Variants in GSE1 observed in about 807,000 individuals in gnomAD.
GSE1 encodes the protein genetic suppressor element 1.
A neutral mutation model predicts 112.6 loss-of-function variants in GSE1; 32 were observed. The observed-to-expected ratio is 0.28, with a 90% CI of 0.21 to 0.38. The LOEUF is 0.38. Ranked by LOEUF, GSE1 falls within the 10% of genes least tolerant of loss-of-function variation. The probability of loss-of-function intolerance (pLI) is 1.00; values close to 1 mark genes in which losing one functional copy is unlikely to be tolerated. For synonymous variants in GSE1, 1,115 were observed against 735.6 expected (o/e 1.52, Z -8.35); for missense variants, 2,348 against 1,699.2 (o/e 1.38, Z -6.71).
intron 2 of GSE1, among the ~76,000 whole-genome samples, chr16:85,453,454 G>C (rs2049741202): frequency 6.6e-6 from 1 of 152,172 alleles, no homozygotes; most frequent in African/African-American, 2.4e-5. Flanking sequence ...TTGGGGTATG[G>C]GGCTGCTTGT....
At position 85,624,930 on chromosome 16, in the gene GSE1, C is replaced by T. The variant is rs919253924; in HGVS notation, c.8-8984C>T. On this transcript the variant is annotated intron_variant, in intron 1 of 15. Transcript: ENST00000253458. ...GGCCCCAGCGGCCTGTGTCACTTTGCTGTTCGCAGCTTTGCTTTCTGGGGT... is the reference window on the plus strand; with the variant it reads ...GGCCCCAGCGGCCTGTGTCACTTTGTTGTTCGCAGCTTTGCTTTCTGGGGT... 5.9e-5 allele frequency among the ~76,000 whole-genome samples: 9 copies of T among 152,222 alleles called. No homozygotes were observed. The East Asian group carries it at 9.6e-4, about 16-fold the overall frequency.
At chr16:85,337,072 T>A (rs964403645) in intron 1 of GSE1, among the ~76,000 whole-genome samples, 9 of 152,208 alleles carry the variant, frequency 5.9e-5, no homozygotes, top group Admixed American at 5.2e-4. Context: ...ACCCTGGGTC[T>A]GCCCCCAGCA....
intron 1 of GSE1, among the ~76,000 whole-genome samples, chr16:85,600,291 G>A (rs2047405906): frequency 1.3e-5 from 2 of 152,196 alleles, no homozygotes; most frequent in South Asian, 4.1e-4. Context: ...CCTGAGCCGG[G>A]CTGTGATCAC....
At chr16:85,651,415 C>T (rs1030594319) in intron 3 of GSE1, among the ~76,000 whole-genome samples, 2 of 152,092 alleles carry the variant, frequency 1.3e-5, no homozygotes, top group South Asian at 2.1e-4. Context: ...CCCCCAGCCC[C>T]CCGGACTCCC....
chr16:85,418,382 C>T lies in GSE1; in HGVS notation c.2464+60739C>T, dbSNP rs966926657. 3.3e-5 allele frequency among the ~76,000 whole-genome samples: 5 copies of T among 152,242 alleles called. No individual in the cohort carries two copies. The East Asian group carries it at 5.8e-4, about 18-fold the overall frequency. Reference sequence around the variant, plus strand: ...GAAGCAGAGGATGATGCAGCCCACTCGCTGCCTTTCCTGGCACACTGCTTG... The same window carrying T: ...GAAGCAGAGGATGATGCAGCCCACTTGCTGCCTTTCCTGGCACACTGCTTG... On this transcript the variant is annotated intron_variant, in intron 2 of 2. Coordinates refer to the GSE1 transcript ENST00000637419.
chr16:85,627,300 C>T (rs1413057929), intron 1 of GSE1, among the ~76,000 whole-genome samples: 1 of 151,742 alleles, frequency 6.6e-6, no homozygotes, highest in African/African-American at 2.4e-5. Flanking sequence ...TGCCCTCTGG[C>T]TTCTGGCAGA....
At chr16:85,652,560 C>CGGT (rs1160871162) in intron 3 of GSE1, among the ~76,000 whole-genome samples, 52 of 152,268 alleles carry the variant, frequency 3.4e-4, no homozygotes, top group African/African-American at 1.1e-3. Flanking sequence ...GCGGCGGCGG[C>CGGT]GGCGGCTCCT....
At chr16:85,665,676 T>A (rs931939176) in intron 12 of GSE1, among the ~76,000 whole-genome samples, 7 of 152,162 alleles carry the variant, frequency 4.6e-5, no homozygotes, top group African/African-American at 1.2e-4. Context: ...CCTCACACAC[T>A]CTCTTGTCCG....
chr16:85,397,693 G>A (rs1340112206), intron 2 of GSE1, among the ~76,000 whole-genome samples: 6 of 152,214 alleles, frequency 3.9e-5, no homozygotes, highest in African/African-American at 9.6e-5. Flanking sequence ...TCTGGAGGAC[G>A]CGCGTCAGCC....
At position 85,582,842 on chromosome 16, in the gene GSE1, C is replaced by T. The variant is rs554900918; in HGVS notation, c.37+26479C>T. 9.2e-5 allele frequency among the ~76,000 whole-genome samples: 14 copies of T among 152,294 alleles called. No individual in the cohort carries two copies. In the East Asian group the frequency reaches 2.5e-3, roughly 27 times the overall value. On this transcript the variant is annotated intron_variant, in intron 1 of 2. Coordinates refer to the GSE1 transcript ENST00000635906. The stretch of plus-strand genomic sequence containing the variant: ...CATTTAGCTGTTCCGAGCCAGTGAT[C>T]GGGAGGCAGCACAAACTGTGGCATT...
At chr16:85,207,217 C>T (rs1036840074) in intron 1 of GSE1, among the ~76,000 whole-genome samples, 1 of 152,216 alleles carries the variant, frequency 6.6e-6, no homozygotes, top group Non-Finnish European at 1.5e-5. Context: ...GCACTGCTCC[C>T]CAGCAGAACC....
chr16:85,262,463 G>T (rs527443860), intron 1 of GSE1, among the ~76,000 whole-genome samples: 13 of 152,322 alleles, frequency 8.5e-5, no homozygotes, highest in African/African-American at 2.9e-4. Context: ...CATCGTCACG[G>T]CCCTGAAGCC....
At chr16:85,368,845 C>T (rs532524637) in intron 2 of GSE1, among the ~76,000 whole-genome samples, 1 of 152,262 alleles carries the variant, frequency 6.6e-6, no homozygotes, top group East Asian at 1.9e-4. Context: ...TTCAAGGTCA[C>T]CCGAGAGTGA....
At chr16:85,446,999 C>A (rs1012517059) in intron 2 of GSE1, among the ~76,000 whole-genome samples, 1 of 152,132 alleles carries the variant, frequency 6.6e-6, no homozygotes, top group Non-Finnish European at 1.5e-5. Flanking sequence ...ATGTCGGGTG[C>A]TCCATGGGCC....
intron 2 of GSE1, among the ~76,000 whole-genome samples, chr16:85,411,645 C>G (rs2048553706): frequency 3.5e-5 from 1 of 28,618 alleles, no homozygotes; most frequent in African/African-American, 1.3e-4. Context: ...CTCAGGCCCC[C>G]CGGATAATCC....
rs1302429127 is a variant in GSE1 at position 85,422,646 on chromosome 16, C to T, written c.2464+65003C>T. On this transcript the variant is annotated intron_variant, in intron 2 of 2. Transcript: ENST00000637419. ...GGCAGGAGAGAGGGGGCGTTCTGGC[C>T]GCAAGAAGCGGCATTCTGACCTGAA... Among the ~76,000 whole-genome samples, 8 of 151,640 alleles carry T rather than the reference C, an allele frequency of 5.3e-5. 1 individual carries two copies. The highest frequency in any genetic ancestry group is 2.6e-4 in the Admixed American group (4 of 15,250).
upstream of GSE1, among the ~76,000 whole-genome samples, chr16:85,554,672 G>C (rs1441845464): frequency 6.6e-6 from 1 of 152,192 alleles, no homozygotes; most frequent in African/African-American, 2.4e-5. Flanking sequence ...AACCCCGCGT[G>C]GGTTCCACAA....
chr16:85,297,903 G>A (rs924963953), intron 1 of GSE1, among the ~76,000 whole-genome samples: 2 of 152,196 alleles, frequency 1.3e-5, no homozygotes, highest in African/African-American at 4.8e-5. Flanking sequence ...TCAGGGTGCC[G>A]TGGAACTTGA....
chr16:85,634,890 G>A (rs2049856345), intron 2 of GSE1, among the ~76,000 whole-genome samples: 1 of 152,184 alleles, frequency 6.6e-6, no homozygotes, highest in South Asian at 2.1e-4. Flanking sequence ...GGCTGGAGCT[G>A]CTGGGGGCCT....
Sources: gnomAD v4.1 joint callset for allele counts (sites outside exome capture counted in the v4.1 genomes callset) on GRCh38, gnomAD v4.1.1 for gene constraint, MANE v1.5 for transcripts, NCBI Gene and HGNC (gene_info 2026-07-23, HGNC 2026-07-21) for gene names.